The following PAH variants were observed in gnomAD, a reference collection of about 807,000 sequenced individuals.
PAH encodes phenylalanine-4-hydroxylase.
In PAH, 64 loss-of-function variants were observed where a neutral mutation model predicts 62.0. The observed-to-expected ratio is 1.03, with a 90% CI of 0.84 to 1.27. The LOEUF is 1.27. Among genes scored for constraint, PAH ranks in the 50% most tolerant of loss-of-function variants. The pLI, the probability that PAH is intolerant of heterozygous loss-of-function variation, is 0.00. For synonymous variants in PAH, 195 were observed against 196.2 expected (o/e 0.99, Z 0.05); for missense variants, 579 against 542.8 (o/e 1.07, Z -0.66).
At position 102,843,596 on chromosome 12, in the gene PAH, C is replaced by T. The variant is rs369574052; in HGVS notation, c.1199+50G>A. ...GCCAACCACCCACAGATGAGTGGCA[C>T]CAGTCAGGAGGCCCCCAGAGCTAGT... On this transcript the variant is annotated intron_variant, in intron 11 of 12. Coordinates refer to ENST00000553106, the MANE Select transcript of PAH (RefSeq NM_000277.3). 16 of 1,606,716 alleles carry T rather than the reference C, an allele frequency of 1.0e-5. No individual in the cohort carries two copies. The South Asian group carries it at 1.2e-4, about 12-fold the overall frequency.
chr12:102,855,459 T>G, intron 5 of PAH, 127 bp from the exon 6 acceptor site: 1 of 715,864 alleles, frequency 1.4e-6, no homozygotes, highest in South Asian at 1.6e-5. Context: ...GTGAATTTCA[T>G]ACATTATTTG....
chr12:102,953,038 G>C (rs971109807), upstream of PAH, among the ~76,000 whole-genome samples: 2 of 152,170 alleles, frequency 1.3e-5, no homozygotes, highest in African/African-American at 4.8e-5. Context: ...CCCTGGGTAG[G>C]ACAGTGTCTA....
At chr12:102,850,721 C>G (rs1875105779) in intron 8 of PAH, among the ~76,000 whole-genome samples, 1 of 152,170 alleles carries the variant, frequency 6.6e-6, no homozygotes, top group South Asian at 2.1e-4. Flanking sequence ...ATGATCCCAG[C>G]TACCAAACCA....
chr12:102,869,605 C>T (rs1328912750), intron 4 of PAH, among the ~76,000 whole-genome samples: 1 of 152,196 alleles, frequency 6.6e-6, no homozygotes, highest in East Asian at 1.9e-4. Context: ...ATGCACTATA[C>T]AGATCTTCCA....
At chr12:102,844,559 G>T in intron 9 of PAH, 128 bp from the exon 10 acceptor site, 1 of 716,186 alleles carries the variant, frequency 1.4e-6, no homozygotes. Flanking sequence ...GTCTATGAGG[G>T]TGTTTCTGGA....
At chr12:102,948,090 G>T (rs1328192044) in intron 1 of PAH, among the ~76,000 whole-genome samples, 3 of 152,200 alleles carry the variant, frequency 2.0e-5, no homozygotes. Flanking sequence ...AAATGAAACT[G>T]TGGGTGTTGA....
chr12:102,892,894 C>T (rs928832048), intron 3 of PAH, among the ~76,000 whole-genome samples: 2 of 152,212 alleles, frequency 1.3e-5, no homozygotes, highest in Non-Finnish European at 1.5e-5. Flanking sequence ...TTTGTCAAAA[C>T]CAATAAAACT....
chr12:102,844,710 A>G (rs1173214529), intron 9 of PAH, among the ~76,000 whole-genome samples: 3 of 152,144 alleles, frequency 2.0e-5, no homozygotes, highest in African/African-American at 4.8e-5. Context: ...TCTTGGAACC[A>G]GGACACCCTG....
At chr12:102,842,904 C>G (rs1043513735) in intron 11 of PAH, among the ~76,000 whole-genome samples, 3 of 152,142 alleles carry the variant, frequency 2.0e-5, no homozygotes, top group African/African-American at 7.2e-5. Context: ...TGGTAACATA[C>G]AGTGAGTATT....
intron 1 of PAH, among the ~76,000 whole-genome samples, chr12:102,949,969 A>C (rs1466244184): frequency 6.6e-6 from 1 of 152,226 alleles, no homozygotes; most frequent in Non-Finnish European, 1.5e-5. Flanking sequence ...TGAATCAATG[A>C]GCATGTCAGC....
intron 9 of PAH, among the ~76,000 whole-genome samples, 161 bp downstream of exon 9, chr12:102,846,734 A>G (rs1161378509): frequency 1.3e-5 from 2 of 152,260 alleles, no homozygotes; most frequent in Non-Finnish European, 2.9e-5. Flanking sequence ...TTAAGGAGAA[A>G]TCTATCAAAA....
chr12:102,886,333 G>A (rs1447825756), intron 3 of PAH: 2 of 152,124 alleles, frequency 1.3e-5, no homozygotes, highest in South Asian at 2.1e-4. Context: ...CTTAATAAGC[G>A]GAGGGAGTGA....
chr12:102,871,250 C>A (rs1876302778), intron 4 of PAH, among the ~76,000 whole-genome samples: 1 of 152,224 alleles, frequency 6.6e-6, no homozygotes, highest in Non-Finnish European at 1.5e-5. Context: ...CAAGGCTTTA[C>A]ATGATCCAGC....
chr12:102,913,671 T>A (rs778272679), intron 1 of PAH: 4 of 598,162 alleles, frequency 6.7e-6, no homozygotes, highest in Non-Finnish European at 1.2e-5. Context: ...CTTGCTCCCA[T>A]ATGCTGAGAT....
chr12:102,840,861 A>G (rs938345816), intron 11 of PAH, among the ~76,000 whole-genome samples: 3 of 152,222 alleles, frequency 2.0e-5, no homozygotes, highest in Non-Finnish European at 2.9e-5. Flanking sequence ...TAGCTAAAGA[A>G]TGCTATATAG....
chr12:102,951,873 C>T (rs986279862), upstream of PAH, among the ~76,000 whole-genome samples: 1 of 150,374 alleles, frequency 6.7e-6, no homozygotes, highest in African/African-American at 2.5e-5. Context: ...TTCTCTTTCT[C>T]TCTTGCCATT....
intron 2 of PAH, among the ~76,000 whole-genome samples, chr12:102,911,305 AG>A (rs1878193782): frequency 6.6e-6 from 1 of 152,174 alleles, no homozygotes; most frequent in Non-Finnish European, 1.5e-5. Flanking sequence ...CCTGTTATTG[AG>A]GAAGAGACCC....
At chr12:102,948,187 G>A (rs897906571) in intron 1 of PAH, among the ~76,000 whole-genome samples, 48 of 152,132 alleles carry the variant, frequency 3.2e-4, no homozygotes, top group Admixed American at 2.8e-3. Context: ...GGGAAGGTAC[G>A]CATTTTATAA....
intron 8 of PAH, among the ~76,000 whole-genome samples, chr12:102,849,908 G>T (rs1025397127): frequency 6.6e-6 from 1 of 152,300 alleles, no homozygotes; most frequent in African/African-American, 2.4e-5. Context: ...CCTTGGAACT[G>T]TCCAGATCAA....
Sources: allele counts gnomAD v4.1 joint callset (sites outside exome capture counted in the v4.1 genomes callset), GRCh38; gene constraint gnomAD v4.1.1; transcripts MANE v1.5; gene names NCBI Gene and HGNC (gene_info 2026-07-23, HGNC 2026-07-21).